RPS6KC1: variants seen among roughly 807,000 people sequenced by gnomAD.
The protein encoded by RPS6KC1 is inactive ribosomal protein S6 kinase delta-1.
RPS6KC1 carries 54 observed loss-of-function variants against 103.8 expected under a neutral mutation model. The observed-to-expected ratio is 0.52, with a 90% CI of 0.42 to 0.65. The LOEUF is 0.65. Among genes scored for constraint, RPS6KC1 ranks in the 30% least tolerant of loss-of-function variants. The pLI, the probability that RPS6KC1 is intolerant of heterozygous loss-of-function variation, is 0.00. For missense variants in RPS6KC1, 1,151 were observed against 1,253.8 expected, an observed-to-expected ratio of 0.92 and a Z score of 1.24; for synonymous variants, 439 against 438.7, an observed-to-expected ratio of 1.00 and a Z score of -0.01.
At chr1:213,544,600 G>A in the RPS6KC1 span, among the ~76,000 whole-genome samples, 1 of 152,076 alleles carries the variant, frequency 6.6e-6, no homozygotes, top group African/African-American at 2.4e-5. Context: ...CTACATATAG[G>A]TTATCCTTGC....
chr1:213,412,499 T>A, the RPS6KC1 span, among the ~76,000 whole-genome samples: 1 of 152,250 alleles, frequency 6.6e-6, no homozygotes, highest in East Asian at 1.9e-4. Flanking sequence ...TCTGTATGTT[T>A]CCTGCTTAGG....
the RPS6KC1 span, among the ~76,000 whole-genome samples, chr1:213,538,662 G>T: frequency 6.6e-6 from 1 of 152,276 alleles, no homozygotes; most frequent in Non-Finnish European, 1.5e-5. Context: ...AGGTAGGAAT[G>T]AGTTTGTTTT....
chr1:213,687,342 A>G, the RPS6KC1 span, among the ~76,000 whole-genome samples: 25 of 152,266 alleles, frequency 1.6e-4, no homozygotes, highest in Non-Finnish European at 2.5e-4. Flanking sequence ...GAATGGAAAA[A>G]TTGGGTTTTA....
chr1:213,183,660 A>G (rs1035998549), intron 8 of RPS6KC1, among the ~76,000 whole-genome samples: 11 of 152,154 alleles, frequency 7.2e-5, no homozygotes, highest in African/African-American at 2.4e-4. Context: ...CAGTGTTCAG[A>G]GAGAAACTTA....
chr1:213,522,218 T>A, the RPS6KC1 span, among the ~76,000 whole-genome samples: 2 of 152,262 alleles, frequency 1.3e-5, no homozygotes, highest in Non-Finnish European at 2.9e-5. Context: ...AGTAACCAGA[T>A]GTATTGCCAA....
the RPS6KC1 span, among the ~76,000 whole-genome samples, chr1:213,365,293 A>G: frequency 5.9e-5 from 9 of 152,172 alleles, no homozygotes; most frequent in Non-Finnish European, 7.3e-5. Context: ...ATAATTAGCT[A>G]TTTATTCCCT....
the RPS6KC1 span, among the ~76,000 whole-genome samples, chr1:213,666,197 A>G: frequency 5.3e-5 from 8 of 152,152 alleles, no homozygotes; most frequent in Non-Finnish European, 1.2e-4. Context: ...TTAGGTACTT[A>G]CTGAATGAAG....
At chr1:213,382,517 T>C in the RPS6KC1 span, among the ~76,000 whole-genome samples, 6 of 148,874 alleles carry the variant, frequency 4.0e-5, no homozygotes, top group Non-Finnish European at 7.4e-5. Context: ...ATTTTTCCAA[T>C]TCCCTTTCAC....
chr1:213,373,186 A>G, the RPS6KC1 span, among the ~76,000 whole-genome samples: 2 of 152,230 alleles, frequency 1.3e-5, no homozygotes, highest in Non-Finnish European at 2.9e-5. Flanking sequence ...CCATTTTTAC[A>G]GATGGAAAAA....
the RPS6KC1 span, among the ~76,000 whole-genome samples, chr1:213,464,064 T>G: frequency 4.8e-4 from 73 of 152,222 alleles, no homozygotes; most frequent in Non-Finnish European, 8.1e-4. Flanking sequence ...TGGTTCATTA[T>G]TTTTTAGTAT....
At chr1:213,267,960 A>G (rs2094950141) in intron 14 of RPS6KC1, among the ~76,000 whole-genome samples, 1 of 151,964 alleles carries the variant, frequency 6.6e-6, no homozygotes, top group Non-Finnish European at 1.5e-5. Flanking sequence ...GTACCAGTAT[A>G]CATATAATGA....
chr1:213,210,649 T>C (rs752512003), intron 8 of RPS6KC1, among the ~76,000 whole-genome samples: 82 of 152,256 alleles, frequency 5.4e-4, no homozygotes, highest in Non-Finnish European at 1.6e-4. Flanking sequence ...TGTGTTCTTA[T>C]ACTCAATAAA....
the RPS6KC1 span, among the ~76,000 whole-genome samples, chr1:213,670,033 A>C: frequency 6.6e-6 from 1 of 152,096 alleles, no homozygotes; most frequent in East Asian, 1.9e-4. Flanking sequence ...TGCAGTCCCA[A>C]ATTGCTCAGG....
chr1:213,332,356 C>G, the RPS6KC1 span, among the ~76,000 whole-genome samples: 39 of 152,274 alleles, frequency 2.6e-4, no homozygotes, highest in Non-Finnish European at 5.1e-4. Context: ...TTTAAAATAC[C>G]TTTTCTGCAC....
the RPS6KC1 span, among the ~76,000 whole-genome samples, chr1:213,709,785 T>C: frequency 2.6e-5 from 4 of 152,256 alleles, no homozygotes; most frequent in Non-Finnish European, 4.4e-5. Flanking sequence ...TACCCAGTAG[T>C]CATTCAGGAG....
chr1:213,253,323 G>C (rs2094577868), intron 12 of RPS6KC1, among the ~76,000 whole-genome samples: 1 of 152,096 alleles, frequency 6.6e-6, no homozygotes, highest in Admixed American at 6.5e-5. Flanking sequence ...GAGTCAGATG[G>C]CCTCACCAGT....
At chr1:213,415,513 G>A in the RPS6KC1 span, among the ~76,000 whole-genome samples, 2 of 152,184 alleles carry the variant, frequency 1.3e-5, no homozygotes, top group South Asian at 2.1e-4. Context: ...ACTGGGATTG[G>A]GGACAAGAGA....
chr1:213,471,024 C>T, the RPS6KC1 span, among the ~76,000 whole-genome samples: 2 of 152,064 alleles, frequency 1.3e-5, no homozygotes, highest in Non-Finnish European at 2.9e-5. Flanking sequence ...TAACAGTTTT[C>T]GGAATGAGTT....
the RPS6KC1 span, among the ~76,000 whole-genome samples, chr1:213,663,950 A>C: frequency 6.6e-6 from 1 of 152,214 alleles, no homozygotes; most frequent in Non-Finnish European, 1.5e-5. Context: ...CACTAGGTAC[A>C]TAGATCAGGG....
Sources: allele counts gnomAD v4.1 joint callset (sites outside exome capture counted in the v4.1 genomes callset), GRCh38; gene constraint gnomAD v4.1.1; transcripts MANE v1.5; gene names NCBI Gene and HGNC (gene_info 2026-07-23, HGNC 2026-07-21).